Variants in SPAG16 observed in about 807,000 individuals in gnomAD.
SPAG16 encodes sperm associated antigen 16.
SPAG16 carries 86 observed loss-of-function variants against 80.4 expected under a neutral mutation model. The ratio of observed to expected loss-of-function variants is 1.07; its 90% CI spans 0.90 to 1.28. The LOEUF (loss-of-function observed/expected upper bound fraction) is 1.28, where lower values mean the gene tolerates loss of function less well. Ranked by LOEUF, SPAG16 falls within the 50% of genes most tolerant of loss-of-function variation. SPAG16 has a pLI of 0.00. For synonymous variants in SPAG16, 294 were observed against 265.9 expected, an observed-to-expected ratio of 1.11 and a Z score of -1.03; for missense variants, 870 against 765.3, an observed-to-expected ratio of 1.14 and a Z score of -1.61.
At chr2:213,741,705 A>G (rs2067562461) in intron 10 of SPAG16, among the ~76,000 whole-genome samples, 1 of 152,192 alleles carries the variant, frequency 6.6e-6, no homozygotes, top group South Asian at 2.1e-4. Flanking sequence ...ATGACTAAAC[A>G]TTACATTAGT....
intron 15 of SPAG16, among the ~76,000 whole-genome samples, chr2:214,290,693 C>T (rs1170303399): frequency 6.6e-6 from 1 of 152,044 alleles, no homozygotes; most frequent in African/African-American, 2.4e-5. Flanking sequence ...TAGTTTCCAA[C>T]GTTCCTCTTA....
intron 10 of SPAG16, among the ~76,000 whole-genome samples, chr2:213,746,804 T>A (rs1231413355): frequency 1.3e-5 from 2 of 151,946 alleles, no homozygotes; most frequent in Non-Finnish European, 2.9e-5. Flanking sequence ...AAGACTCCAT[T>A]TCAAAAAAAG....
intron 10 of SPAG16, among the ~76,000 whole-genome samples, chr2:213,564,494 TAA>T (rs77022819): frequency 0.018 from 2,137 of 121,250 alleles, 22 homozygotes; most frequent in South Asian, 0.042. Flanking sequence ...GACTCTGTCT[TAA>T]AAAAAAAAAA....
chr2:214,095,600 A>G (rs551670440), intron 13 of SPAG16, among the ~76,000 whole-genome samples: 70 of 152,214 alleles, frequency 4.6e-4, no homozygotes, highest in African/African-American at 1.6e-3. Flanking sequence ...TCCTTTCTGA[A>G]TATGTGTTTT....
In SPAG16 at chr2:214,297,645, G is replaced by A. The variant is rs78645056; in HGVS notation, c.1721-112495G>A. Among the ~76,000 whole-genome samples the A allele has an allele frequency of 4.5e-3, 688 of 151,998 alleles. 4 individuals carry two copies. The highest frequency in any genetic ancestry group is 0.016 in the African/African-American group (653 of 41,498). On this transcript the variant is annotated intron_variant, in intron 15 of 15. Coordinates refer to ENST00000331683, the MANE Select transcript of SPAG16 (RefSeq NM_024532.5). ...TGACATTGGAAAATATAAGTTGGTCGTACATATGTGGCTTTATTTCTGGGT... is the reference window on the plus strand; with the variant it reads ...TGACATTGGAAAATATAAGTTGGTCATACATATGTGGCTTTATTTCTGGGT...
At chr2:213,896,584 A>ACACACGCG (rs1553657324) in intron 11 of SPAG16, among the ~76,000 whole-genome samples, 2 of 73,238 alleles carry the variant, frequency 2.7e-5, no homozygotes, top group East Asian at 1.3e-3. Flanking sequence ...ATATATACAC[A>ACACACGCG]CACACACGCA....
Position 213,296,088 on chromosome 2 carries a change from A to T in SPAG16, c.161A>T (p.Glu54Val). 6.2e-7 allele frequency: 1 copy of T among 1,609,482 alleles called. No homozygotes were observed. The highest frequency in any genetic ancestry group is 8.5e-7 in the Non-Finnish European group (1 of 1,176,474). The change falls in exon 2 of 16, where the codon GAA (glutamate) becomes GTA (valine). Residue 54 changes from glutamate to valine, a missense_variant. Physicochemically the swap from Glu to Val is moderately radical, Grantham distance 121. Coordinates refer to ENST00000331683, the MANE Select transcript of SPAG16 (RefSeq NM_024532.5). ...GAGGTCACCATAACTGAAGCATCTG[A>T]AGATGACTATGAATATGAAGAGGTA... Reference protein sequence around the residue: ...LEQVTITEASEDDYEYEEIPD... With the variant: ...LEQVTITEASVDDYEYEEIPD...
intron 15 of SPAG16, among the ~76,000 whole-genome samples, chr2:214,303,476 G>A (rs1031033479): frequency 6.6e-6 from 1 of 152,152 alleles, no homozygotes; most frequent in Non-Finnish European, 1.5e-5. Context: ...TGGGGTTTCT[G>A]TTTAGAAATG....
chr2:213,470,088 A>G (rs1444930191), intron 9 of SPAG16, among the ~76,000 whole-genome samples: 2 of 152,082 alleles, frequency 1.3e-5, no homozygotes, highest in Non-Finnish European at 2.9e-5. Context: ...AATCCTGTCT[A>G]TGGGAGAAAC....
Position 213,718,825 on chromosome 2 carries a change from C to G in SPAG16, c.1071-143660C>G, listed in dbSNP as rs987761292. Among the ~76,000 whole-genome samples the G allele has an allele frequency of 7.2e-5, 11 of 152,208 alleles. 1 individual carries two copies. The highest frequency in any genetic ancestry group is 1.3e-4 in the Non-Finnish European group (9 of 68,038). ...CAAGCCTCCCCGACGAGCACCACCC[C>G]CTACTCCACGGCGCCCAGTCCCATC... On this transcript the variant is annotated intron_variant, in intron 10 of 15. Coordinates refer to ENST00000331683, the MANE Select transcript of SPAG16 (RefSeq NM_024532.5).
chr2:214,198,700 G>T (rs2057918439), intron 15 of SPAG16, among the ~76,000 whole-genome samples: 1 of 151,986 alleles, frequency 6.6e-6, no homozygotes, highest in South Asian at 2.1e-4. Context: ...TGGTTAACTA[G>T]TTTACATTCC....
chr2:214,239,278 C>T (rs1488305212), intron 15 of SPAG16: 1 of 152,204 alleles, frequency 6.6e-6, no homozygotes, highest in Non-Finnish European at 1.5e-5. Flanking sequence ...AAGCAATCCT[C>T]CCAAAGTGCT....
chr2:213,709,932 A>T (rs1413129178), intron 10 of SPAG16, among the ~76,000 whole-genome samples: 1 of 152,202 alleles, frequency 6.6e-6, no homozygotes, highest in Admixed American at 6.5e-5. Context: ...GTATTTTGCT[A>T]TTGAAATCAA....
intron 13 of SPAG16, among the ~76,000 whole-genome samples, chr2:214,068,352 C>T (rs991583413): frequency 2.0e-5 from 3 of 152,042 alleles, no homozygotes; most frequent in African/African-American, 7.2e-5. Flanking sequence ...TTTACACAAA[C>T]CATTATGTTG....
chr2:213,346,780 G>A (rs2065017497), intron 6 of SPAG16, among the ~76,000 whole-genome samples: 1 of 152,064 alleles, frequency 6.6e-6, no homozygotes, highest in South Asian at 2.1e-4. Flanking sequence ...GATTCGGTTT[G>A]CCAGTATTTT....
At chr2:213,884,432 T>G (rs931900763) in intron 11 of SPAG16, among the ~76,000 whole-genome samples, 1 of 152,182 alleles carries the variant, frequency 6.6e-6, no homozygotes, top group African/African-American at 2.4e-5. Flanking sequence ...TTTAAGATGT[T>G]TTTCTTTTTC....
At chr2:214,088,574 A>C (rs934521889) in intron 13 of SPAG16, among the ~76,000 whole-genome samples, 13 of 152,184 alleles carry the variant, frequency 8.5e-5, no homozygotes, top group Non-Finnish European at 1.5e-4. Context: ...GGGCACAACA[A>C]AGACAGATGC....
chr2:214,258,011 C>A (rs1284707613), intron 15 of SPAG16, among the ~76,000 whole-genome samples: 1 of 151,894 alleles, frequency 6.6e-6, no homozygotes, highest in Non-Finnish European at 1.5e-5. Context: ...TTTTATTATT[C>A]ATTTCATGTT....
intron 15 of SPAG16, among the ~76,000 whole-genome samples, chr2:214,294,397 T>G (rs541062679): frequency 1.3e-5 from 2 of 152,314 alleles, no homozygotes; most frequent in Non-Finnish European, 2.9e-5. Context: ...CAATAATTTC[T>G]CTGTTGAATA....
Sources: gnomAD v4.1 joint callset for allele counts (sites outside exome capture counted in the v4.1 genomes callset) on GRCh38, gnomAD v4.1.1 for gene constraint, MANE v1.5 for transcripts, NCBI Gene and HGNC (gene_info 2026-07-23, HGNC 2026-07-21) for gene names.